SGIP1: variants seen among roughly 807,000 people sequenced by gnomAD.
The protein encoded by SGIP1 is SH3-containing GRB2-like protein 3-interacting protein 1.
In SGIP1, 38 loss-of-function variants were observed where a neutral mutation model predicts 107.5. The observed-to-expected ratio is 0.35, with a 90% CI of 0.27 to 0.46. The LOEUF is 0.46. Ranked by LOEUF, SGIP1 falls within the 20% of genes least tolerant of loss-of-function variation. SGIP1 has a pLI of 1.00. For synonymous variants in SGIP1, 365 were observed against 366.1 expected (o/e 1.00, Z 0.03); for missense variants, 929 against 1,019.5 (o/e 0.91, Z 1.21).
chr1:66,639,407 G>T (rs1270019027), intron 4 of SGIP1, among the ~76,000 whole-genome samples: 1 of 152,108 alleles, frequency 6.6e-6, no homozygotes, highest in African/African-American at 2.4e-5. Context: ...AGGTAAAAGT[G>T]TTACCATTTA....
At chr1:66,565,827 C>T (rs944468538) in intron 1 of SGIP1, among the ~76,000 whole-genome samples, 6 of 152,014 alleles carry the variant, frequency 3.9e-5, no homozygotes, top group Middle Eastern at 3.4e-3. Context: ...GAATTGCCTT[C>T]GCTCTTGTAG....
chr1:66,592,137 C>T (rs1005374118), intron 1 of SGIP1, among the ~76,000 whole-genome samples: 7 of 152,264 alleles, frequency 4.6e-5, no homozygotes, highest in African/African-American at 1.2e-4. Flanking sequence ...GACCCTTTAC[C>T]GATGTCGGGC....
chr1:66,599,557 G>A (rs955235900), intron 1 of SGIP1, among the ~76,000 whole-genome samples: 2 of 152,060 alleles, frequency 1.3e-5, no homozygotes, highest in African/African-American at 4.8e-5. Flanking sequence ...ATCCTCCCAC[G>A]CCTTCTCTCT....
At position 66,686,730 on chromosome 1, in the gene SGIP1, G is replaced by A. The variant is rs144402855; in HGVS notation, c.1316-2418G>A. 1.7e-3 allele frequency among the ~76,000 whole-genome samples: 253 copies of A among 152,260 alleles called. 2 individuals are homozygous for A. Among genetic ancestry groups the A allele is most frequent in the African/African-American group, 6.0e-3 (249 of 41,538 alleles). ...TCTTAATGTCGTTCTAGCTGCACAA[G>A]AAATCAATTACTTCAAATCAGTACA... On this transcript the variant is annotated intron_variant, in intron 15 of 24. Coordinates refer to ENST00000371037, the MANE Select transcript of SGIP1 (RefSeq NM_032291.4).
chr1:66,593,488 C>A (rs911059152), intron 1 of SGIP1, among the ~76,000 whole-genome samples: 1 of 152,198 alleles, frequency 6.6e-6, no homozygotes, highest in African/African-American at 2.4e-5. Flanking sequence ...TGTCATAGCA[C>A]TTACTACAAC....
chr1:66,734,951 TG>T (rs1226494622), intron 21 of SGIP1, among the ~76,000 whole-genome samples: 3 of 152,222 alleles, frequency 2.0e-5, no homozygotes, highest in African/African-American at 7.2e-5. Context: ...TAGTTATTTT[TG>T]TGATGAGAAC....
chr1:66,558,299 C>T (rs1328822338), intron 1 of SGIP1, among the ~76,000 whole-genome samples: 2 of 151,952 alleles, frequency 1.3e-5, no homozygotes, highest in Non-Finnish European at 2.9e-5. Context: ...TGGTTTAATA[C>T]TCTGCCGTCA....
At chr1:66,625,572 GA>G (rs1441248154) in intron 1 of SGIP1, among the ~76,000 whole-genome samples, 1 of 152,212 alleles carries the variant, frequency 6.6e-6, no homozygotes, top group Non-Finnish European at 1.5e-5. Context: ...AGTAGTCTAA[GA>G]AAATCTTGCA....
At chr1:66,536,691 C>T (rs1234108768) in intron 1 of SGIP1, among the ~76,000 whole-genome samples, 5 of 152,144 alleles carry the variant, frequency 3.3e-5, no homozygotes, top group Admixed American at 3.3e-4. Context: ...GGCAGCTCTT[C>T]GTTGAAACAT....
At chr1:66,675,472 C>G (rs979113565) in intron 12 of SGIP1, among the ~76,000 whole-genome samples, 1 of 147,378 alleles carries the variant, frequency 6.8e-6, no homozygotes, top group Non-Finnish European at 1.5e-5. Flanking sequence ...TCTACTCATT[C>G]TTCTTTAGAT....
intron 9 of SGIP1, among the ~76,000 whole-genome samples, chr1:66,668,852 C>T (rs2083160726): frequency 6.6e-6 from 1 of 152,154 alleles, no homozygotes; most frequent in African/African-American, 2.4e-5. Flanking sequence ...CATATAACAA[C>T]AAACAAGCAT....
chr1:66,644,557 G>A (rs1218091980), intron 7 of SGIP1, among the ~76,000 whole-genome samples: 1 of 115,884 alleles, frequency 8.6e-6, no homozygotes, highest in African/African-American at 3.7e-5. Flanking sequence ...ATCTTCTTTA[G>A]AGAGATGTGA....
At chr1:66,609,825 A>G (rs1381908069) in intron 1 of SGIP1, among the ~76,000 whole-genome samples, 2 of 152,202 alleles carry the variant, frequency 1.3e-5, no homozygotes, top group Non-Finnish European at 2.9e-5. Context: ...AAAAAACAAA[A>G]TACATTTGTG....
chr1:66,676,725 C>T (rs1048215437), intron 12 of SGIP1, among the ~76,000 whole-genome samples: 5 of 152,116 alleles, frequency 3.3e-5, no homozygotes, highest in African/African-American at 7.2e-5. Context: ...AATGTCCTTA[C>T]GTGACCACCC....
chr1:66,711,749 T>C (rs562068587), intron 18 of SGIP1, among the ~76,000 whole-genome samples: 82 of 152,282 alleles, frequency 5.4e-4, no homozygotes, highest in Non-Finnish European at 1.1e-3. Flanking sequence ...ATGGGGACAG[T>C]CTTTAAACAA....
chr1:66,687,507 G>C (rs1262424643), intron 15 of SGIP1, among the ~76,000 whole-genome samples: 3 of 152,074 alleles, frequency 2.0e-5, no homozygotes, highest in South Asian at 2.1e-4. Flanking sequence ...AGAGAGATGT[G>C]CAAGCCAAGC....
chr1:66,655,138 C>T (rs1386484407), intron 7 of SGIP1, among the ~76,000 whole-genome samples: 1 of 152,078 alleles, frequency 6.6e-6, no homozygotes, highest in East Asian at 1.9e-4. Flanking sequence ...TGATAAGTAA[C>T]AGCAATAAGC....
intron 1 of SGIP1, among the ~76,000 whole-genome samples, chr1:66,581,684 A>G (rs2061846050): frequency 6.6e-6 from 1 of 152,048 alleles, no homozygotes; most frequent in South Asian, 2.1e-4. Flanking sequence ...GAGTTATTGT[A>G]CATGATTCAT....
At chr1:66,584,504 CA>C (rs1426920129) in intron 1 of SGIP1, among the ~76,000 whole-genome samples, 2 of 152,094 alleles carry the variant, frequency 1.3e-5, no homozygotes, top group Admixed American at 6.6e-5. Context: ...TCAGTAACAC[CA>C]AATGCAAACA....
Sources: gnomAD v4.1 joint callset for allele counts (sites outside exome capture counted in the v4.1 genomes callset) on GRCh38, gnomAD v4.1.1 for gene constraint, MANE v1.5 for transcripts, NCBI Gene and HGNC (gene_info 2026-07-23, HGNC 2026-07-21) for gene names.